The following RBFOX1 variants were observed in gnomAD, a reference collection of about 807,000 sequenced individuals.
The protein encoded by RBFOX1 is RNA binding fox-1 homolog 1.
In RBFOX1, 8 loss-of-function variants were observed where a neutral mutation model predicts 57.7. That is an observed-to-expected ratio of 0.14 (90% CI 0.08 to 0.25). The LOEUF (loss-of-function observed/expected upper bound fraction) is 0.25. RBFOX1 is among the 10% of genes least tolerant of loss of function. The pLI is 1.00. For missense variants in RBFOX1, 611 were observed against 548.5 expected (o/e 1.11, Z -1.14); for synonymous variants, 326 against 222.4 (o/e 1.47, Z -4.15).
chr16:6,818,389 A>G (rs949338935), intron 3 of RBFOX1, among the ~76,000 whole-genome samples: 6 of 152,182 alleles, frequency 3.9e-5, no homozygotes, highest in African/African-American at 9.7e-5. Context: ...CAAGTTTAGA[A>G]GAAATGAACT....
At chr16:6,642,178 C>T (rs111926633) in intron 2 of RBFOX1, among the ~76,000 whole-genome samples, 47 of 152,280 alleles carry the variant, frequency 3.1e-4, no homozygotes, top group East Asian at 1.7e-3. Context: ...TTCCCAGGCT[C>T]GTACTTTCTC....
chr16:5,282,077 C>T (rs9941192), intron 1 of RBFOX1, among the ~76,000 whole-genome samples: 48,863 of 151,896 alleles, frequency 0.32, 7,885 homozygotes, highest in Non-Finnish European at 0.33. Flanking sequence ...TGAATTGTGG[C>T]GGCAGGTCTT....
chr16:6,485,350 C>T (rs1002923698), intron 2 of RBFOX1, among the ~76,000 whole-genome samples: 2 of 151,316 alleles, frequency 1.3e-5, no homozygotes, highest in African/African-American at 2.4e-5. Flanking sequence ...CCTCTCTTAC[C>T]CCTCTTCTCT....
At chr16:5,724,372 G>A (rs748986176) in intron 3 of RBFOX1, among the ~76,000 whole-genome samples, 21 of 152,166 alleles carry the variant, frequency 1.4e-4, no homozygotes, top group Non-Finnish European at 4.4e-5. Flanking sequence ...CTCTGTGAGA[G>A]CATTCAGGAG....
At chr16:6,518,985 G>C (rs140447316) in intron 2 of RBFOX1, among the ~76,000 whole-genome samples, 18 of 152,056 alleles carry the variant, frequency 1.2e-4, no homozygotes, top group African/African-American at 3.6e-4. Flanking sequence ...AGAAAATAAA[G>C]GGGGAAATAT....
rs146287189 is a variant in RBFOX1, at chr16:6,031,946, A to G, written c.-127+11954A>G. Among the ~76,000 whole-genome samples, 295 of 152,264 alleles carry G rather than the reference A, an allele frequency of 1.9e-3. 2 individuals are homozygous for G. Among genetic ancestry groups the G allele is most frequent in the African/African-American group, 6.9e-3 (287 of 41,544 alleles). ...ACAGTCTCACGAGAAAGGGGAGGTC[A>G]TTTGTTCACTGTAGTCCACCCCTGA... On this transcript the variant is annotated intron_variant, in intron 1 of 15. Transcript: ENST00000550418.
intron 3 of RBFOX1, among the ~76,000 whole-genome samples, chr16:6,927,023 A>G (rs1327771527): frequency 2.0e-5 from 3 of 152,074 alleles, no homozygotes; most frequent in African/African-American, 7.2e-5. Context: ...ACCAGCGATT[A>G]CTATTAACCC....
chr16:6,622,298 A>C (rs1227224090), intron 2 of RBFOX1, among the ~76,000 whole-genome samples: 1 of 152,146 alleles, frequency 6.6e-6, no homozygotes, highest in Non-Finnish European at 1.5e-5. Flanking sequence ...ATTATAATGG[A>C]ATTGCCCTAT....
At chr16:7,072,855 T>A (rs1320096309) in intron 4 of RBFOX1, among the ~76,000 whole-genome samples, 1 of 152,180 alleles carries the variant, frequency 6.6e-6, no homozygotes, top group East Asian at 1.9e-4. Flanking sequence ...ACATAAGTGC[T>A]CTGAGATGAA....
At chr16:6,999,992 G>T (rs911260342) in intron 3 of RBFOX1, among the ~76,000 whole-genome samples, 2 of 150,648 alleles carry the variant, frequency 1.3e-5, no homozygotes, top group African/African-American at 4.9e-5. Flanking sequence ...GAATTGCTTG[G>T]ACCTAGCAGG....
In RBFOX1 at chr16:7,135,869, A is replaced by T. The variant is rs573306549; in HGVS notation, c.27+83771A>T. Among the ~76,000 whole-genome samples, 4 of 152,336 alleles carry T rather than the reference A, an allele frequency of 2.6e-5. No individual in the cohort carries two copies. The South Asian group carries it at 8.3e-4, about 32-fold the overall frequency. ...GGTAGTTTGGATCTAGAATAATTCA[A>T]AGAAAGCTCTGTTTGTTCTATTTTG... On this transcript the variant is annotated intron_variant, in intron 4 of 15. Transcript: ENST00000550418.
chr16:7,645,150 C>G (rs1319946903), intron 11 of RBFOX1, among the ~76,000 whole-genome samples: 1 of 152,072 alleles, frequency 6.6e-6, no homozygotes, highest in African/African-American at 2.4e-5. Context: ...CTTGCCAATT[C>G]CTTCGATGCA....
chr16:5,246,460 G>A (rs1435639920), intron 1 of RBFOX1, among the ~76,000 whole-genome samples: 1 of 151,918 alleles, frequency 6.6e-6, no homozygotes, highest in South Asian at 2.1e-4. Flanking sequence ...TTTTTGTGGT[G>A]AGAACACTTA....
chr16:7,484,551 C>G (rs1464878628), intron 4 of RBFOX1, among the ~76,000 whole-genome samples: 1 of 152,192 alleles, frequency 6.6e-6, no homozygotes, highest in East Asian at 1.9e-4. Context: ...CAACTTTTGC[C>G]TCCTGAGTTC....
In RBFOX1 at chr16:5,304,353, C is replaced by G. The variant is rs999243691; in HGVS notation, c.219+64248C>G. Among the ~76,000 whole-genome samples the G allele has an allele frequency of 5.3e-5, 8 of 152,268 alleles. No homozygotes were observed. In the South Asian group the frequency reaches 1.7e-3, roughly 32 times the overall value. ...AGTGGTAGTCCTGTAGAAGGGTGTT[C>G]TATAATCCTCCCATATTTATATCAC... On this transcript the variant is annotated intron_variant, in intron 1 of 2. Coordinates refer to the RBFOX1 transcript ENST00000585867.
intron 4 of RBFOX1, among the ~76,000 whole-genome samples, chr16:7,359,994 A>G (rs925679825): frequency 1.3e-5 from 2 of 150,466 alleles, no homozygotes; most frequent in Non-Finnish European, 3.0e-5. Flanking sequence ...AAAAAAAAAC[A>G]AAAAACAAAC....
At chr16:6,782,088 C>A (rs575946483) in intron 3 of RBFOX1, among the ~76,000 whole-genome samples, 3 of 152,048 alleles carry the variant, frequency 2.0e-5, no homozygotes, top group Non-Finnish European at 4.4e-5. Flanking sequence ...CTCACTGCAA[C>A]CTCCGCCTCC....
chr16:7,528,631 C>T (rs1042524516), intron 5 of RBFOX1, among the ~76,000 whole-genome samples: 1 of 152,062 alleles, frequency 6.6e-6, no homozygotes, highest in Non-Finnish European at 1.5e-5. Context: ...CTCAGTACTG[C>T]CTCCTGAGTA....
intron 4 of RBFOX1, among the ~76,000 whole-genome samples, chr16:5,968,370 G>C (rs2059893270): frequency 6.6e-6 from 1 of 151,970 alleles, no homozygotes; most frequent in African/African-American, 2.4e-5. Flanking sequence ...CCACTGCCCT[G>C]GCCTCTCCAG....
Sources: allele counts gnomAD v4.1 joint callset (sites outside exome capture counted in the v4.1 genomes callset), GRCh38; gene constraint gnomAD v4.1.1; transcripts MANE v1.5; gene names NCBI Gene and HGNC (gene_info 2026-07-23, HGNC 2026-07-21).